The following ARHGEF17 variants were observed in gnomAD, a reference collection of about 807,000 sequenced individuals.
The protein encoded by ARHGEF17 is 164 kDa Rho-specific guanine-nucleotide exchange factor.
Under a neutral mutation model 174.0 loss-of-function variants are expected in ARHGEF17, and 80 were observed. The observed-to-expected ratio is 0.46, with a 90% CI of 0.38 to 0.55. ARHGEF17 has a LOEUF of 0.55. Ranked by LOEUF, ARHGEF17 falls within the 20% of genes least tolerant of loss-of-function variation. ARHGEF17 has a pLI of 0.00. For synonymous variants in ARHGEF17, 1,311 were observed against 1,189.1 expected, an observed-to-expected ratio of 1.10 and a Z score of -2.11; for missense variants, 2,886 against 2,839.7, an observed-to-expected ratio of 1.02 and a Z score of -0.37.
intron 2 of ARHGEF17, among the ~76,000 whole-genome samples, chr11:73,351,599 CTTAT>C (rs762927231): frequency 3.9e-5 from 6 of 151,992 alleles, no homozygotes; most frequent in Admixed American, 1.3e-4. Context: ...CCATTATCGC[CTTAT>C]TTATTTATTT....
chr11:73,310,695 A>C lies in ARHGEF17; in HGVS notation c.2057A>C (p.Glu686Ala), dbSNP rs753672523. The stretch of plus-strand genomic sequence containing the variant: ...ACGAACCACCATGGCCCTGGGACTG[A>C]GGACAGTCTGGGCGGGTGGGCCCTG... Reference protein sequence around the residue: ...AQTNHHGPGTEDSLGGWALVS... With the variant: ...AQTNHHGPGTADSLGGWALVS... Residue 686 changes from glutamate to alanine, a missense_variant, in exon 1 of 21, where the codon GAG becomes GCG. Glu to Ala is a moderately radical substitution (Grantham distance 107). This residue lies in a region of ARHGEF17 where 1,728 missense variants were observed against 1,461.2 expected (regional missense o/e 1.18). Transcript: ENST00000263674. 6 of 1,613,688 alleles carry C rather than the reference A, an allele frequency of 3.7e-6. 1 individual carries two copies. The South Asian group carries it at 6.6e-5, about 18-fold the overall frequency.
chr11:73,308,845 C>A lies in ARHGEF17; in HGVS notation c.207C>A (p.Pro69=). The A allele has an allele frequency of 7.5e-7, 1 of 1,339,460 alleles. No individual in the cohort carries two copies. The highest frequency in any genetic ancestry group is 9.5e-7 in the Non-Finnish European group (1 of 1,052,248). The allele number at this position is 1,339,460 out of a possible 1,614,324, so 83.0% of individuals were successfully genotyped here. A position where few individuals can be genotyped will look rare whatever the true frequency, so the allele number is the denominator to read the frequency against. The part of the protein sequence containing the change: ...SKLASGPLAA[P]AQPRPLRSLS... ...TGGCGTCTGGGCCCCTGGCCGCCCC[C>A]GCGCAGCCGCGCCCGCTCCGCAGCC... The change falls in exon 1 of 21, where the codon CCC becomes CCA. Residue 69 remains proline (P), a synonymous_variant. Transcript: ENST00000263674.
At chr11:73,345,758 C>T (rs1362956011) in intron 1 of ARHGEF17, among the ~76,000 whole-genome samples, 4 of 152,154 alleles carry the variant, frequency 2.6e-5, no homozygotes, top group African/African-American at 7.2e-5. Context: ...CAGGCCAAGC[C>T]GAGACCTGGG....
At chr11:73,366,765 C>A (rs1401126935) in intron 20 of ARHGEF17, among the ~76,000 whole-genome samples, 1 of 151,954 alleles carries the variant, frequency 6.6e-6, no homozygotes, top group Non-Finnish European at 1.5e-5. Flanking sequence ...TATGGCCGGG[C>A]GTGGTGGCTG....
chr11:73,362,164 A>T lies in ARHGEF17; in HGVS notation c.4619A>T (p.Glu1540Val). Reference protein sequence around the residue: ...LLSLRAEPDVEACIAVCSARI... With the variant: ...LLSLRAEPDVVACIAVCSARI... ...AGCCTGCGCGCCGAGCCGGACGTGG[A>T]GGCCTGCATCGCCGTCTGTTCCGCC... Residue 1540 changes from glutamate to valine, a missense_variant, in exon 13 of 21, where the codon GAG becomes GTG. By Grantham distance (121) the Glu-to-Val change is moderately radical. Around this residue, in one of 4 missense-constraint regions of ARHGEF17, gnomAD observed 476 missense variants for 473.1 expected, o/e 1.01. Coordinates refer to ENST00000263674, the MANE Select transcript of ARHGEF17 (RefSeq NM_014786.4). 6.2e-7 allele frequency: 1 copy of T among 1,600,990 alleles called. No homozygotes were observed.
At chr11:73,366,187 T>G (rs1865835933) in intron 20 of ARHGEF17, among the ~76,000 whole-genome samples, 1 of 152,100 alleles carries the variant, frequency 6.6e-6, no homozygotes, top group Admixed American at 6.6e-5. Context: ...TCCAGAGAAA[T>G]GTCATGAGAG....
intron 1 of ARHGEF17, 47 bp downstream of exon 1, chr11:73,311,877 T>A: frequency 6.5e-7 from 1 of 1,544,782 alleles, no homozygotes; most frequent in Non-Finnish European, 8.8e-7. Flanking sequence ...AGAAGGGCCA[T>A]GGGCACCGAC....
rs1240551372 is a variant in ARHGEF17, at chr11:73,365,912, T to G, written c.5960T>G (p.Leu1987Arg). The change falls in exon 20 of 21, where the codon CTG (leucine) becomes CGG (arginine). Residue 1987 changes from leucine (L) to arginine (R), a missense_variant. Physicochemically the swap from Leu to Arg is moderately radical, Grantham distance 102 (BLOSUM62 -2). Coordinates refer to ENST00000263674, the MANE Select transcript of ARHGEF17 (RefSeq NM_014786.4). The surrounding 1 kb of genome is among the most constrained non-coding windows in gnomAD (Gnocchi z 4.9). The part of the protein sequence containing the change: ...AAVQLPDGFN[L>R]LCPTPPPPPD... The stretch of plus-strand genomic sequence containing the variant: ...GTCCAGCTGCCAGATGGCTTCAACC[T>G]GCTCTGCCCAACCCCACCACCTCCC... 6.2e-7 allele frequency: 1 copy of G among 1,606,730 alleles called. No homozygotes were observed. The highest frequency in any genetic ancestry group is 2.2e-5 in the East Asian group (1 of 44,886).
intron 1 of ARHGEF17, among the ~76,000 whole-genome samples, chr11:73,320,911 C>T (rs1313731688): frequency 6.6e-6 from 1 of 152,170 alleles, no homozygotes; most frequent in Non-Finnish European, 1.5e-5. Flanking sequence ...ATCTTCCCGC[C>T]TTGGCCTCCC....
At chr11:73,347,284 CACTG>C (rs1173796866) in intron 2 of ARHGEF17, 7 of 444,990 alleles carry the variant, frequency 1.6e-5, no homozygotes, top group Non-Finnish European at 2.5e-5. Flanking sequence ...CCATTGTATT[CACTG>C]ACTGGGAAGT....
intron 7 of ARHGEF17, 33 bp from the exon 8 acceptor site, chr11:73,356,992 C>T: frequency 6.2e-7 from 1 of 1,608,128 alleles, no homozygotes; most frequent in Non-Finnish European, 8.5e-7. Flanking sequence ...GGACTGTGTC[C>T]ACCCAGCCTG....
At chr11:73,341,441 G>C (rs987263319) in intron 1 of ARHGEF17, among the ~76,000 whole-genome samples, 29 of 152,054 alleles carry the variant, frequency 1.9e-4, no homozygotes, top group African/African-American at 5.6e-4. Flanking sequence ...CGAGTAGCTG[G>C]GATTACAGGC....
Position 73,357,078 on chromosome 11 carries a change from C to A in ARHGEF17, c.3945C>A (p.Ile1315=). Residue 1315 remains isoleucine, a synonymous_variant, in exon 8 of 21, where the codon ATC becomes ATA. Transcript: ENST00000263674. ...DRSLFLFTDL[I]VCTTLKRKSG... ...CTCTCTTCCTGTTCACGGACCTCATCGTCTGCACCACTCTGAAGCGAAAGT... is the reference window on the plus strand; with the variant it reads ...CTCTCTTCCTGTTCACGGACCTCATAGTCTGCACCACTCTGAAGCGAAAGT... 6.2e-7 allele frequency: 1 copy of A among 1,614,202 alleles called. No homozygotes were observed. The highest frequency in any genetic ancestry group is 8.5e-7 in the Non-Finnish European group (1 of 1,180,044).
intron 1 of ARHGEF17, among the ~76,000 whole-genome samples, chr11:73,313,160 G>C (rs757787535): frequency 6.6e-6 from 1 of 152,156 alleles, no homozygotes; most frequent in African/African-American, 2.4e-5. Context: ...CTTGTCTCCA[G>C]TTACCCCTGG....
At chr11:73,328,503 A>G (rs113803549) in intron 1 of ARHGEF17, among the ~76,000 whole-genome samples, 2,135 of 152,304 alleles carry the variant, frequency 0.014, 53 homozygotes, top group African/African-American at 0.049. Flanking sequence ...CTCAAAGCCC[A>G]GCCCTGAGGT....
At chr11:73,312,371 C>G (rs139433962) in intron 1 of ARHGEF17, among the ~76,000 whole-genome samples, 4 of 152,158 alleles carry the variant, frequency 2.6e-5, no homozygotes, top group Admixed American at 2.0e-4. Context: ...CAAGGCTTTA[C>G]TTTATGGAGG....
intron 1 of ARHGEF17, among the ~76,000 whole-genome samples, chr11:73,323,382 G>A (rs1206260537): frequency 1.3e-5 from 2 of 152,222 alleles, no homozygotes; most frequent in Non-Finnish European, 2.9e-5. Flanking sequence ...GGACTGGTAG[G>A]TCCACAGGCA....
At chr11:73,349,540 C>T (rs1406462521) in intron 2 of ARHGEF17, among the ~76,000 whole-genome samples, 2 of 152,064 alleles carry the variant, frequency 1.3e-5, no homozygotes, top group Admixed American at 6.6e-5. Context: ...AGCTTGAACC[C>T]GGGAGGCAGA....
chr11:73,326,575 C>T (rs1192459161), intron 1 of ARHGEF17, among the ~76,000 whole-genome samples: 2 of 152,110 alleles, frequency 1.3e-5, no homozygotes, highest in African/African-American at 2.4e-5. Context: ...CAAAAATTAG[C>T]TGGGCCTGGT....
Sources: gnomAD v4.1 joint callset for allele counts (sites outside exome capture counted in the v4.1 genomes callset) on GRCh38, gnomAD v4.1.1 for gene constraint, gnomAD v4.1.1 regional missense constraint, Gnocchi (gnomAD v3.1) non-coding constraint, MANE v1.5 for transcripts, NCBI Gene and HGNC (gene_info 2026-07-23, HGNC 2026-07-21) for gene names.